LIPJ: variants seen among roughly 807,000 people sequenced by gnomAD.
LIPJ encodes lipase family member J.
A neutral mutation model predicts 39.8 loss-of-function variants in LIPJ; 33 were observed. That is an observed-to-expected ratio of 0.83 (90% CI 0.63 to 1.11). The LOEUF (loss-of-function observed/expected upper bound fraction) is 1.11. Among genes scored for constraint, LIPJ ranks in the 50% least tolerant of loss-of-function variants. The pLI, the probability that LIPJ is intolerant of heterozygous loss-of-function variation, is 0.00. For missense variants in LIPJ, 422 were observed against 427.9 expected (o/e 0.99, Z 0.12); for synonymous variants, 128 against 139.2 (o/e 0.92, Z 0.57).
intron 6 of LIPJ, among the ~76,000 whole-genome samples, chr10:88,595,365 G>T (rs75361367): frequency 0.02 from 3,060 of 151,724 alleles, 78 homozygotes; most frequent in South Asian, 0.085. Context: ...TACCCACTTT[G>T]CAGGGAGAAA....
chr10:88,593,137 TTA>T (rs1200586980), intron 4 of LIPJ: 2 of 151,920 alleles, frequency 1.3e-5, no homozygotes, highest in Non-Finnish European at 2.9e-5. Context: ...ACCTACTTCC[TTA>T]TGATGATCAG....
At chr10:88,614,892 T>C in the LIPJ span, among the ~76,000 whole-genome samples, 464 of 152,248 alleles carry the variant, frequency 3.0e-3, no homozygotes, top group Non-Finnish European at 4.3e-3. Context: ...GAGTCATACA[T>C]GTATGGTCAT....
chr10:88,593,285 T>C (rs1165115078), intron 4 of LIPJ: 3 of 151,774 alleles, frequency 2.0e-5, no homozygotes, highest in East Asian at 1.9e-4. Flanking sequence ...TCTAGATATG[T>C]AGAGGCTAAA....
downstream of LIPJ, among the ~76,000 whole-genome samples, chr10:88,607,852 T>C (rs1185551257): frequency 6.6e-6 from 1 of 152,210 alleles, no homozygotes; most frequent in African/African-American, 2.4e-5. Flanking sequence ...CACCACTCAG[T>C]CCAAACAACA....
intron 9 of LIPJ, among the ~76,000 whole-genome samples, chr10:88,604,428 G>C (rs1851594713): frequency 6.6e-6 from 1 of 152,220 alleles, no homozygotes; most frequent in African/African-American, 2.4e-5. Flanking sequence ...AGTAGAACAA[G>C]AGTGAAAGCA....
the LIPJ span, among the ~76,000 whole-genome samples, chr10:88,617,378 A>G: frequency 2.0e-5 from 3 of 152,260 alleles, no homozygotes; most frequent in Non-Finnish European, 4.4e-5. Context: ...ATCTGCCTAC[A>G]TAATAATTAT....
chr10:88,592,491 T>TAAAGAGG (rs1007043908), intron 4 of LIPJ: 1 of 151,822 alleles, frequency 6.6e-6, no homozygotes, highest in African/African-American at 2.4e-5. Context: ...GAAATTAGGA[T>TAAAGAGG]AAAGTAGGGT....
At chr10:88,585,861 A>G (rs547595607), upstream of LIPJ, 1 of 152,344 alleles carries the variant, frequency 6.6e-6, no homozygotes, top group African/African-American at 2.4e-5. Context: ...TCAGTTTCAT[A>G]CAGAATTAAG....
chr10:88,584,047 G>T (rs1850820448), upstream of LIPJ: 1 of 151,952 alleles, frequency 6.6e-6, no homozygotes, highest in Non-Finnish European at 1.5e-5. Flanking sequence ...ATTAAGTTAC[G>T]CTGACTTGCA....
At chr10:88,585,860 T>C (rs1224512934), upstream of LIPJ, 2 of 152,232 alleles carry the variant, frequency 1.3e-5, no homozygotes, top group Non-Finnish European at 2.9e-5. Flanking sequence ...CTCAGTTTCA[T>C]ACAGAATTAA....
chr10:88,587,108 G>A (rs959258868), intron 1 of LIPJ, 158 bp from the exon 2 acceptor site: 6 of 150,562 alleles, frequency 4.0e-5, no homozygotes, highest in African/African-American at 4.9e-5. Context: ...GGACACTAGC[G>A]GGAAACTATC....
the LIPJ span, among the ~76,000 whole-genome samples, chr10:88,622,222 C>A: frequency 6.6e-6 from 1 of 152,190 alleles, no homozygotes; most frequent in African/African-American, 2.4e-5. Flanking sequence ...CCAGGTGTAA[C>A]ACTCATACTT....
chr10:88,602,086 A>G (rs1408663248), intron 8 of LIPJ, among the ~76,000 whole-genome samples: 2 of 152,168 alleles, frequency 1.3e-5, no homozygotes, highest in Admixed American at 1.3e-4. Context: ...CAACTTTGAC[A>G]GGCCTTAGAC....
chr10:88,601,034 T>G (rs1370289130), intron 8 of LIPJ, among the ~76,000 whole-genome samples: 1 of 152,082 alleles, frequency 6.6e-6, no homozygotes, highest in African/African-American at 2.4e-5. Context: ...CTGCAACTTC[T>G]GCCTCCCGGG....
chr10:88,591,591 C>A, intron 4 of LIPJ, 93 bp downstream of exon 4: 1 of 1,118,118 alleles, frequency 8.9e-7, no homozygotes. Context: ...AGAAAAGCAT[C>A]TTAAGATTAA....
At chr10:88,613,788 A>G in the LIPJ span, among the ~76,000 whole-genome samples, 41 of 51,006 alleles carry the variant, frequency 8.0e-4, 1 homozygote, top group African/African-American at 1.3e-3. Context: ...ATATATATAT[A>G]TATATATATA....
At chr10:88,609,947 T>C (rs1851731051), downstream of LIPJ, among the ~76,000 whole-genome samples, 1 of 150,220 alleles carries the variant, frequency 6.7e-6, no homozygotes, top group Non-Finnish European at 1.5e-5. Context: ...GAGGGTGCTG[T>C]ATGTATCTAC....
downstream of LIPJ, among the ~76,000 whole-genome samples, chr10:88,608,969 C>A (rs1319468721): frequency 1.3e-5 from 2 of 152,178 alleles, no homozygotes; most frequent in Admixed American, 1.3e-4. Context: ...CACCAAGCAA[C>A]CAGTGGGAAA....
At chr10:88,585,439 CCA>C (rs1233749902), upstream of LIPJ, among the ~76,000 whole-genome samples, 1 of 152,206 alleles carries the variant, frequency 6.6e-6, no homozygotes, top group Non-Finnish European at 1.5e-5. Flanking sequence ...CTTGAATCAT[CCA>C]GTCACATCAG....
Sources: allele counts gnomAD v4.1 joint callset (sites outside exome capture counted in the v4.1 genomes callset), GRCh38; gene constraint gnomAD v4.1.1; transcripts MANE v1.5; gene names NCBI Gene and HGNC (gene_info 2026-07-23, HGNC 2026-07-21).